ADAMTS3: variants seen among roughly 807,000 people sequenced by gnomAD.
The protein encoded by ADAMTS3 is ADAM metallopeptidase with thrombospondin type 1 motif 3, also known as A disintegrin and metalloproteinase with thrombospondin motifs 3.
A neutral mutation model predicts 129.0 loss-of-function variants in ADAMTS3; 73 were observed. The ratio of observed to expected loss-of-function variants is 0.57; its 90% confidence interval spans 0.47 to 0.69. The LOEUF is 0.69. Among genes scored for constraint, ADAMTS3 ranks in the 30% least tolerant of loss-of-function variants. ADAMTS3 has a pLI of 0.00. For missense variants in ADAMTS3, 1,457 were observed against 1,514.5 expected, an observed-to-expected ratio of 0.96 and a Z score of 0.63; for synonymous variants, 477 against 510.8, an observed-to-expected ratio of 0.93 and a Z score of 0.89.
At chr4:72,294,676 A>C (rs1266911091) in intron 19 of ADAMTS3, among the ~76,000 whole-genome samples, 1 of 152,116 alleles carries the variant, frequency 6.6e-6, no homozygotes, top group Non-Finnish European at 1.5e-5. Flanking sequence ...CACTAGGAAC[A>C]AAATGACGGT....
chr4:72,532,325 G>A (rs1356949638), intron 3 of ADAMTS3, among the ~76,000 whole-genome samples: 2 of 152,058 alleles, frequency 1.3e-5, no homozygotes, highest in East Asian at 1.9e-4. Flanking sequence ...GGAAAACAAT[G>A]ATTTTCAGCC....
chr4:72,486,643 T>C (rs1347436805), intron 3 of ADAMTS3, among the ~76,000 whole-genome samples: 1 of 151,984 alleles, frequency 6.6e-6, no homozygotes, highest in African/African-American at 2.4e-5. Flanking sequence ...TTGAATCAAA[T>C]ATGAAAGAAA....
chr4:72,329,473 TTATA>T (rs1350548150), intron 5 of ADAMTS3, among the ~76,000 whole-genome samples: 2 of 152,278 alleles, frequency 1.3e-5, no homozygotes, highest in Non-Finnish European at 2.9e-5. Flanking sequence ...CATTGCTACT[TTATA>T]AAGAGACTGA....
At chr4:72,286,835 T>G (rs553747687) in intron 21 of ADAMTS3, among the ~76,000 whole-genome samples, 5 of 151,466 alleles carry the variant, frequency 3.3e-5, no homozygotes, top group Non-Finnish European at 7.4e-5. Context: ...AGAGACTGAC[T>G]TGGGGAGAGA....
chr4:72,543,149 T>A (rs1721376958), intron 3 of ADAMTS3, among the ~76,000 whole-genome samples: 1 of 152,208 alleles, frequency 6.6e-6, no homozygotes, highest in Non-Finnish European at 1.5e-5. Context: ...AATAAACTTG[T>A]ACTAACTTAT....
chr4:72,302,239 A>C (rs1187240700), intron 17 of ADAMTS3, among the ~76,000 whole-genome samples: 2 of 152,044 alleles, frequency 1.3e-5, no homozygotes, highest in African/African-American at 4.8e-5. Flanking sequence ...GAAGACCCAG[A>C]ACTTAAAGGG....
intron 20 of ADAMTS3, 55 bp from the exon 21 acceptor site, chr4:72,288,923 TACACACAC>T (rs33967517): frequency 0.011 from 4,796 of 451,200 alleles, 2 homozygotes; most frequent in East Asian, 0.022. Flanking sequence ...ACCATGCACA[TACACACAC>T]ACACACACAC....
At chr4:72,417,106 T>C (rs145792401) in intron 3 of ADAMTS3, among the ~76,000 whole-genome samples, 7 of 152,206 alleles carry the variant, frequency 4.6e-5, no homozygotes, top group Non-Finnish European at 1.5e-5. Flanking sequence ...CCGCTGTCAC[T>C]GCATTCTGTA....
At position 72,373,768 on chromosome 4, in the gene ADAMTS3, C is replaced by T. The variant is rs1396611230; in HGVS notation, c.662-34075G>A. ...ACAAAAAATTAGCCAGGTGTGGTGG[C>T]ACACACCTGTCATGGCAGCTATTTG... On this transcript the variant is annotated intron_variant, in intron 4 of 21. Coordinates refer to ENST00000286657, the MANE Select transcript of ADAMTS3 (RefSeq NM_014243.3). Among the ~76,000 whole-genome samples, 2 of 151,816 alleles carry T rather than the reference C, an allele frequency of 1.3e-5. 1 individual carries two copies. Among genetic ancestry groups the T allele is most frequent in the South Asian group, 4.2e-4 (2 of 4,816 alleles).
At chr4:72,327,713 G>A (rs1231517954) in intron 5 of ADAMTS3, among the ~76,000 whole-genome samples, 1 of 152,148 alleles carries the variant, frequency 6.6e-6, no homozygotes, top group Non-Finnish European at 1.5e-5. Flanking sequence ...CAATGCTGTC[G>A]TTATACATAG....
intron 3 of ADAMTS3, among the ~76,000 whole-genome samples, chr4:72,455,892 A>ACGTATAG (rs1247599072): frequency 1.7e-5 from 2 of 118,428 alleles, no homozygotes; most frequent in Non-Finnish European, 3.4e-5. Flanking sequence ...TATATATTTT[A>ACGTATAG]TATATAGTAT....
chr4:72,334,250 G>A (rs1342245206), intron 5 of ADAMTS3, among the ~76,000 whole-genome samples: 1 of 152,042 alleles, frequency 6.6e-6, no homozygotes, highest in African/African-American at 2.4e-5. Flanking sequence ...AACCTATGAT[G>A]TAATTATTTG....
chr4:72,352,701 A>C (rs1194890548), intron 4 of ADAMTS3, among the ~76,000 whole-genome samples: 1 of 152,154 alleles, frequency 6.6e-6, no homozygotes, highest in South Asian at 2.1e-4. Context: ...GAATCTGAGA[A>C]TGTGTCAACA....
chr4:72,314,256 CAT>C (rs1719325645), intron 11 of ADAMTS3, among the ~76,000 whole-genome samples: 1 of 152,150 alleles, frequency 6.6e-6, no homozygotes, highest in South Asian at 2.1e-4. Context: ...AATAATATAA[CAT>C]GTCTAAAACA....
chr4:72,431,900 G>A (rs1722708242), intron 3 of ADAMTS3, among the ~76,000 whole-genome samples: 1 of 151,962 alleles, frequency 6.6e-6, no homozygotes, highest in South Asian at 2.1e-4. Context: ...AGTAGTTGTA[G>A]CGTAGTAATT....
intron 3 of ADAMTS3, among the ~76,000 whole-genome samples, chr4:72,538,629 G>C (rs747015599): frequency 1.3e-5 from 2 of 151,966 alleles, no homozygotes; most frequent in African/African-American, 2.4e-5. Context: ...AAATGCCAAA[G>C]ACTTTTTTTT....
rs35076637 is a variant in ADAMTS3, at chr4:72,397,562, T to TACAC, written c.661+17249_661+17252dup. Reference sequence around the variant, plus strand: ...CCTGGGCGACAGGGTGAGACTCTATTACACACACACACACACACACACACA... The same window carrying TACAC: ...CCTGGGCGACAGGGTGAGACTCTATTACACACACACACACACACACACACACACA... On this transcript the variant is annotated intron_variant, in intron 4 of 21. Coordinates refer to ENST00000286657, the MANE Select transcript of ADAMTS3 (RefSeq NM_014243.3). 1.7e-3 allele frequency among the ~76,000 whole-genome samples: 253 copies of TACAC among 147,582 alleles called. 2 individuals are homozygous for TACAC. Among genetic ancestry groups the TACAC allele is most frequent in the African/African-American group, 5.7e-3 (229 of 40,190 alleles).
intron 4 of ADAMTS3, among the ~76,000 whole-genome samples, chr4:72,409,976 T>C (rs1332338839): frequency 1.1e-5 from 1 of 88,350 alleles, no homozygotes; most frequent in East Asian, 2.7e-4. Flanking sequence ...AAAATAATGA[T>C]TGCTACTTGA....
At chr4:72,296,180 G>T (rs1718802681) in intron 18 of ADAMTS3, among the ~76,000 whole-genome samples, 1 of 151,958 alleles carries the variant, frequency 6.6e-6, no homozygotes, top group African/African-American at 2.4e-5. Flanking sequence ...TGGAGGGGAG[G>T]GGAAAGCTTA....
Sources: allele counts gnomAD v4.1 joint callset (sites outside exome capture counted in the v4.1 genomes callset), GRCh38; gene constraint gnomAD v4.1.1; transcripts MANE v1.5; gene names NCBI Gene and HGNC (gene_info 2026-07-23, HGNC 2026-07-21).